Variants in CPA6 observed in about 807,000 individuals in gnomAD.
CPA6 encodes carboxypeptidase B.
In CPA6, 58 loss-of-function variants were observed where a neutral mutation model predicts 63.3. The ratio of observed to expected loss-of-function variants is 0.92; its 90% confidence interval spans 0.74 to 1.14. The LOEUF (loss-of-function observed/expected upper bound fraction) is 1.14, where lower values mean the gene tolerates loss of function less well. CPA6 is among the 50% of genes most tolerant of loss of function. The probability of loss-of-function intolerance (pLI) is 0.00; values close to 1 mark genes in which losing one functional copy is unlikely to be tolerated. For missense variants in CPA6, 565 were observed against 526.6 expected, an observed-to-expected ratio of 1.07 and a Z score of -0.71; for synonymous variants, 185 against 179.0, an observed-to-expected ratio of 1.03 and a Z score of -0.27.
At chr8:67,678,395 A>G (rs1816524655) in intron 1 of CPA6, among the ~76,000 whole-genome samples, 1 of 152,214 alleles carries the variant, frequency 6.6e-6, no homozygotes, top group Non-Finnish European at 1.5e-5. Context: ...ACGAGGCCTG[A>G]TATCCAAAAT....
At chr8:67,715,717 G>A (rs1817363523) in intron 1 of CPA6, among the ~76,000 whole-genome samples, 1 of 152,170 alleles carries the variant, frequency 6.6e-6, no homozygotes, top group South Asian at 2.1e-4. Context: ...GACTAATTAT[G>A]GGGTTTACAA....
In CPA6 at chr8:67,503,528, G is replaced by A. The variant is rs924721734; in HGVS notation, c.636+3259C>T. ...TCACTATGTTGCCCAGGCTGATCTC[G>A]AATTCCTGGGCTCAAGTGATCCTCC... On this transcript the variant is annotated intron_variant, in intron 6 of 10. Transcript: ENST00000297770. 4.9e-5 allele frequency among the ~76,000 whole-genome samples: 7 copies of A among 144,298 alleles called. No homozygotes were observed. In the East Asian group the frequency reaches 8.0e-4, roughly 17 times the overall value. The allele number at this position is 144,298 out of a possible 152,430, so 94.7% of individuals were successfully genotyped here.
intron 1 of CPA6, among the ~76,000 whole-genome samples, chr8:67,699,892 G>T (rs371056034): frequency 6.6e-6 from 1 of 152,078 alleles, no homozygotes; most frequent in Non-Finnish European, 1.5e-5. Context: ...CCCGGCCATG[G>T]TTTATATTCT....
At chr8:67,543,540 A>G (rs1812749913) in intron 2 of CPA6, among the ~76,000 whole-genome samples, 1 of 152,210 alleles carries the variant, frequency 6.6e-6, no homozygotes, top group South Asian at 2.1e-4. Flanking sequence ...ATGGGAAGAC[A>G]GATTTCCTTG....
At chr8:67,434,388 A>G in intron 8 of CPA6, 148 bp from the exon 9 acceptor site, 1 of 737,792 alleles carries the variant, frequency 1.4e-6, no homozygotes, top group Non-Finnish European at 2.2e-6. Context: ...ATTTATGGAA[A>G]TCAGTACAAA....
Position 67,678,876 on chromosome 8 carries a change from A to G in CPA6, c.117-54625T>C, listed in dbSNP as rs1363246673. Among the ~76,000 whole-genome samples, 4 of 152,338 alleles carry G rather than the reference A, an allele frequency of 2.6e-5. No individual in the cohort carries two copies. In the East Asian group the frequency reaches 7.7e-4, roughly 29 times the overall value. On this transcript the variant is annotated intron_variant, in intron 1 of 10. Transcript: ENST00000297770. ...TGTCTACCAAGATTAGAATAGGTAT[A>G]TCGCGATATGAGAATGAATGAACTA...
intron 2 of CPA6, among the ~76,000 whole-genome samples, chr8:67,592,400 A>G (rs1465489883): frequency 6.6e-6 from 1 of 152,132 alleles, no homozygotes; most frequent in East Asian, 1.9e-4. Flanking sequence ...TGCTGGCCTC[A>G]TAAAATGAGT....
chr8:67,653,826 T>C (rs28844685), intron 1 of CPA6, among the ~76,000 whole-genome samples: 53,033 of 151,580 alleles, frequency 0.35, 9,514 homozygotes, highest in South Asian at 0.42. Context: ...TGCCAGTTTT[T>C]AGAGGGAATG....
chr8:67,689,530 G>T (rs1253829064), intron 1 of CPA6, among the ~76,000 whole-genome samples: 1 of 152,148 alleles, frequency 6.6e-6, no homozygotes, highest in Non-Finnish European at 1.5e-5. Flanking sequence ...GTGATATTTG[G>T]TTTTCTGTTC....
At chr8:67,721,630 T>C (rs940763132) in intron 1 of CPA6, among the ~76,000 whole-genome samples, 3 of 152,198 alleles carry the variant, frequency 2.0e-5, no homozygotes, top group Non-Finnish European at 2.9e-5. Context: ...TGCAGGGTTA[T>C]ACTTTCTATG....
chr8:67,661,843 G>A (rs1816116775), intron 1 of CPA6, among the ~76,000 whole-genome samples: 1 of 152,180 alleles, frequency 6.6e-6, no homozygotes, highest in African/African-American at 2.4e-5. Context: ...GGTACCTCAT[G>A]TAAGTGGAAT....
At chr8:67,445,447 T>G (rs1317576860) in intron 8 of CPA6, among the ~76,000 whole-genome samples, 1 of 152,104 alleles carries the variant, frequency 6.6e-6, no homozygotes, top group Non-Finnish European at 1.5e-5. Context: ...AGAAACTTTT[T>G]GCATATCCCT....
intron 2 of CPA6, among the ~76,000 whole-genome samples, chr8:67,577,035 A>C (rs1813645244): frequency 6.6e-6 from 1 of 152,008 alleles, no homozygotes; most frequent in African/African-American, 2.4e-5. Context: ...GGCTAATTTT[A>C]GTAGAGACTG....
intron 1 of CPA6, among the ~76,000 whole-genome samples, chr8:67,659,280 G>A (rs1816056289): frequency 6.6e-6 from 1 of 152,156 alleles, no homozygotes. Flanking sequence ...AGTCATCAGT[G>A]GATGCTGAGA....
chr8:67,423,038 A>G (rs1368757812), intron 10 of CPA6, among the ~76,000 whole-genome samples: 1 of 152,166 alleles, frequency 6.6e-6, no homozygotes, highest in Non-Finnish European at 1.5e-5. Flanking sequence ...GTTATCACTC[A>G]GTTCTTCTCC....
At chr8:67,620,148 T>C (rs1431687395) in intron 2 of CPA6, among the ~76,000 whole-genome samples, 1 of 152,204 alleles carries the variant, frequency 6.6e-6, no homozygotes, top group African/African-American at 2.4e-5. Flanking sequence ...CCTTAGCTCG[T>C]GACTCTCATG....
chr8:67,605,771 C>T (rs1306317246), intron 2 of CPA6, among the ~76,000 whole-genome samples: 1 of 152,114 alleles, frequency 6.6e-6, no homozygotes, highest in Non-Finnish European at 1.5e-5. Context: ...TCCCTCGTTT[C>T]TGAGGCAAAT....
At chr8:67,566,878 G>T (rs1186564717) in intron 2 of CPA6, among the ~76,000 whole-genome samples, 1 of 152,190 alleles carries the variant, frequency 6.6e-6, no homozygotes, top group African/African-American at 2.4e-5. Flanking sequence ...GCCCAGGAAT[G>T]GTGGGAAAGT....
Position 67,629,114 on chromosome 8 carries a change from G to A in CPA6, c.117-4863C>T, listed in dbSNP as rs952486816. ...TGATGACAGAGTGAGACTCCATCTCGAAACAAACTAACAAAAAAACCCCCA... is the reference window on the plus strand; with the variant it reads ...TGATGACAGAGTGAGACTCCATCTCAAAACAAACTAACAAAAAAACCCCCA... On this transcript the variant is annotated intron_variant, in intron 1 of 10. Transcript: ENST00000297770. Among the ~76,000 whole-genome samples, 4 of 151,232 alleles carry A rather than the reference G, an allele frequency of 2.6e-5. No homozygotes were observed. In the East Asian group the frequency reaches 7.8e-4, roughly 29 times the overall value.
Sources: gnomAD v4.1 joint callset for allele counts (sites outside exome capture counted in the v4.1 genomes callset) on GRCh38, gnomAD v4.1.1 for gene constraint, MANE v1.5 for transcripts, NCBI Gene and HGNC (gene_info 2026-07-23, HGNC 2026-07-21) for gene names.